Variants in GRIN2D observed in about 807,000 individuals in gnomAD.
GRIN2D encodes the protein glutamate receptor ionotropic, NMDA 2D.
A neutral mutation model predicts 103.2 loss-of-function variants in GRIN2D; 37 were observed. The ratio of observed to expected loss-of-function variants is 0.36; its 90% CI spans 0.28 to 0.47. The LOEUF (loss-of-function observed/expected upper bound fraction) is 0.47, where lower values mean the gene tolerates loss of function less well. Ranked by LOEUF, GRIN2D falls within the 20% of genes least tolerant of loss-of-function variation. The pLI is 1.00. For missense variants in GRIN2D, 1,557 were observed against 1,910.6 expected, an observed-to-expected ratio of 0.81 and a Z score of 3.45; for synonymous variants, 845 against 885.6, an observed-to-expected ratio of 0.95 and a Z score of 0.81.
Position 48,442,909 on chromosome 19 carries a change from C to T in GRIN2D, c.2983C>T (p.Pro995Ser). ...RGAAGRPLSPPAAQPPQKPPP... is the reference protein window; with the variant it reads ...RGAAGRPLSPSAAQPPQKPPP... ...CGCAGCCGGGCGCCCGCTGTCCCCG[C>T]CGGCCGCTCAGCCCCCGCAGAAGCC... The change falls in exon 14 of 14, where the codon CCG (proline) becomes TCG (serine). Residue 995 changes from proline to serine, a missense_variant. Pro to Ser is a moderately conservative substitution (Grantham distance 74). Around this residue, in one of 7 missense-constraint regions of GRIN2D, gnomAD observed 632 missense variants for 572.8 expected, o/e 1.10. Transcript: ENST00000263269. The surrounding 1 kb of genome is among the most constrained non-coding windows in gnomAD (Gnocchi z 7.2). 9.0e-7 allele frequency: 1 copy of T among 1,107,160 alleles called. No homozygotes were observed. The highest frequency in any genetic ancestry group is 3.4e-5 in the South Asian group (1 of 29,682). The allele number at this position is 1,107,160 out of a possible 1,614,324, so 68.6% of individuals were successfully genotyped here.
chr19:48,399,210 C>T lies in GRIN2D; in HGVS notation c.465+353C>T, dbSNP rs549107132. On this transcript the variant is annotated intron_variant, in intron 3 of 13. Transcript: ENST00000263269. ...GGGGCTGGGAACGAAAAGGGACTAGCCCCAAATGGCAAAATCTGAGGGAGG... is the reference window on the plus strand; with the variant it reads ...GGGGCTGGGAACGAAAAGGGACTAGTCCCAAATGGCAAAATCTGAGGGAGG... 2.0e-5 allele frequency among the ~76,000 whole-genome samples: 3 copies of T among 152,230 alleles called. No individual in the cohort carries two copies. The East Asian group carries it at 5.8e-4, about 29-fold the overall frequency.
intron 3 of GRIN2D, 40 bp downstream of exon 3, chr19:48,398,897 GGGGACAGCCGCTGAGGGGCGGGACT>G: frequency 7.7e-7 from 1 of 1,301,346 alleles, no homozygotes; most frequent in Non-Finnish European, 9.8e-7. Context: ...CAGGAGGGGC[GGGGACAGCCGCTGAGGGGCGGGACT>G]GGGACAGCCA....
chr19:48,444,259 C>T lies in GRIN2D; in HGVS notation c.*322C>T, dbSNP rs1050344652. The T allele has an allele frequency of 4.2e-6, 1 of 240,060 alleles. No homozygotes were observed. Among genetic ancestry groups the T allele is most frequent in the Non-Finnish European group, 8.0e-6 (1 of 124,364 alleles). The allele number at this position is 240,060 out of a possible 1,614,324, so 14.9% of individuals were successfully genotyped here. A position where few individuals can be genotyped will look rare whatever the true frequency, so the allele number is the denominator to read the frequency against. On this transcript the variant is annotated 3_prime_UTR_variant, in exon 14 of 14. Transcript: ENST00000263269. This position sits in a 1 kb window ranked among gnomAD's most constrained non-coding sequence, Gnocchi z 5.5. ...GGTTCACGCCACTCCCGCGTCCCAC[C>T]TCCACGCCCGGGGCCGTGGCCCCCA...
chr19:48,412,456 AG>A (rs1970880132), intron 4 of GRIN2D, among the ~76,000 whole-genome samples: 1 of 151,006 alleles, frequency 6.6e-6, no homozygotes, highest in Non-Finnish European at 1.5e-5. Context: ...AAAGAAAGAA[AG>A]AAAGAAAGAA....
chr19:48,401,445 C>A (rs968010170), intron 3 of GRIN2D, among the ~76,000 whole-genome samples: 1 of 152,184 alleles, frequency 6.6e-6, no homozygotes, highest in African/African-American at 2.4e-5. Context: ...GAGGCGGTGA[C>A]ACCTGAGCTG....
At chr19:48,425,022 TTC>T (rs111577135) in intron 11 of GRIN2D, among the ~76,000 whole-genome samples, 9,091 of 147,682 alleles carry the variant, frequency 0.062, 622 homozygotes, top group African/African-American at 0.17. Context: ...AGATTCTCTC[TTC>T]TCTCTCTCTC....
chr19:48,444,916 T>C lies in GRIN2D; in HGVS notation c.*979T>C, dbSNP rs1971364556. 1 of 152,244 alleles carries C rather than the reference T, an allele frequency of 6.6e-6. No individual in the cohort carries two copies. The highest frequency in any genetic ancestry group is 6.5e-5 in the Admixed American group (1 of 15,282). 9.4% of individuals were successfully genotyped at this position (152,244 alleles called of 1,614,324 possible). ...ATTGCAGTGTTTGGAATAAACCATGTTTTTATGCCTCCTCAGTCCAAGCCT... is the reference window on the plus strand; with the variant it reads ...ATTGCAGTGTTTGGAATAAACCATGCTTTTATGCCTCCTCAGTCCAAGCCT... On this transcript the variant is annotated 3_prime_UTR_variant, in exon 14 of 14. Transcript: ENST00000263269. This position sits in a 1 kb window ranked among gnomAD's most constrained non-coding sequence, Gnocchi z 5.5.
intron 11 of GRIN2D, among the ~76,000 whole-genome samples, chr19:48,430,821 CTTTTTTTTTT>C (rs557084994): frequency 7.8e-6 from 1 of 128,916 alleles, no homozygotes; most frequent in African/African-American, 3.1e-5. Context: ...TTTCTTTTTT[CTTTTTTTTTT>C]TTTTTTGAGA....
In GRIN2D at chr19:48,443,265, G is replaced by A; in HGVS notation, c.3339G>A (p.Ser1113=). The A allele has an allele frequency of 6.6e-7, 1 of 1,521,036 alleles. No individual in the cohort carries two copies. The highest frequency in any genetic ancestry group is 8.8e-7 in the Non-Finnish European group (1 of 1,142,394). The allele number at this position is 1,521,036 out of a possible 1,614,324, so 94.2% of individuals were successfully genotyped here. A position where few individuals can be genotyped will look rare whatever the true frequency, so the allele number is the denominator to read the frequency against. Residue 1113 remains serine, a synonymous_variant, in exon 14 of 14, where the codon TCG becomes TCA. Transcript: ENST00000263269. This position sits in a 1 kb window ranked among gnomAD's most constrained non-coding sequence, Gnocchi z 8.9. The part of the protein sequence containing the change: ...CPYLDLEPSP[S]DSEDSESLGG... ...ACCTCGATCTCGAGCCGTCGCCGTC[G>A]GACTCGGAGGACTCGGAGAGCCTGG...
Position 48,416,129 on chromosome 19 carries a change from G to T in GRIN2D, c.1709G>T (p.Gly570Val). 1 of 1,613,916 alleles carries T rather than the reference G, an allele frequency of 6.2e-7. No individual in the cohort carries two copies. Among genetic ancestry groups the T allele is most frequent in the Non-Finnish European group, 8.5e-7 (1 of 1,179,990 alleles). Residue 570 changes from glycine to valine, a missense_variant, in exon 8 of 14, where the codon GGC (glycine) becomes GTC (valine). Physicochemically the swap from Gly to Val is moderately radical, Grantham distance 109 (BLOSUM62 -3). Around this residue, in one of 7 missense-constraint regions of GRIN2D, gnomAD observed 197 missense variants for 334.1 expected, o/e 0.59. Coordinates refer to ENST00000263269, the MANE Select transcript of GRIN2D (RefSeq NM_000836.4). ...AGCGTCATGGTGGCGCGCAGCAATGGCACGGTGTCCCCCTCGGCCTTCCTC... is the reference window on the plus strand; with the variant it reads ...AGCGTCATGGTGGCGCGCAGCAATGTCACGGTGTCCCCCTCGGCCTTCCTC... ...GISVMVARSN[G>V]TVSPSAFLEP...
chr19:48,434,701 T>C (rs1971207766), intron 11 of GRIN2D, among the ~76,000 whole-genome samples: 1 of 152,052 alleles, frequency 6.6e-6, no homozygotes, highest in South Asian at 2.1e-4. Flanking sequence ...CCCAAAGCGA[T>C]GGGATGACAA....
chr19:48,441,814 G>A lies in GRIN2D; in HGVS notation c.2298G>A (p.Met766Ile), dbSNP rs771947551. Residue 766 changes from methionine (M) to isoleucine (I), a missense_variant, in exon 12 of 14, where the codon ATG (methionine) becomes ATA (isoleucine). By Grantham distance (10) the Met-to-Ile change is conservative. This residue lies in a region of GRIN2D where 138 missense variants were observed against 270.2 expected (regional missense o/e 0.51). Transcript: ENST00000263269. ...ACGATGCTGCAGTGCTCAATTACATGGCCCGCAAGGACGAGGGCTGCAAGC... is the reference window on the plus strand; with the variant it reads ...ACGATGCTGCAGTGCTCAATTACATAGCCCGCAAGGACGAGGGCTGCAAGC... ...FIYDAAVLNY[M>I]ARKDEGCKLV... is the part of the protein sequence containing the mutation. 1 of 1,613,998 alleles carries A rather than the reference G, an allele frequency of 6.2e-7. No homozygotes were observed. Among genetic ancestry groups the A allele is most frequent in the Non-Finnish European group, 8.5e-7 (1 of 1,180,014 alleles).
Position 48,404,999 on chromosome 19 carries a change from G to T in GRIN2D, c.731G>T (p.Arg244Leu). The T allele has an allele frequency of 1.2e-6, 2 of 1,612,250 alleles. No homozygotes were observed. Among genetic ancestry groups the T allele is most frequent in the East Asian group, 4.5e-5 (2 of 44,878 alleles). Residue 244 changes from arginine to leucine, a missense_variant, in exon 4 of 14, where the codon CGC (arginine) becomes CTC (leucine). Around this residue, in one of 7 missense-constraint regions of GRIN2D, gnomAD observed 490 missense variants for 601.1 expected, o/e 0.82. Transcript: ENST00000263269. Reference protein sequence around the residue: ...AQLRSVSAQIRLLFCAREEAE... With the variant: ...AQLRSVSAQILLLFCAREEAE... ...CTCCGCAGTGTCAGCGCGCAGATCC[G>T]CCTGCTCTTCTGCGCCCGAGAGGAG... is the stretch of plus-strand genomic sequence containing the variant.
At position 48,442,052 on chromosome 19, in the gene GRIN2D, C is replaced by G; in HGVS notation, c.2440+96C>G. The G allele has an allele frequency of 6.6e-7, 1 of 1,508,118 alleles. No individual in the cohort carries two copies. Among genetic ancestry groups the G allele is most frequent in the Non-Finnish European group, 9.1e-7 (1 of 1,100,438 alleles). 93.4% of individuals were successfully genotyped at this position (1,508,118 alleles called of 1,614,324 possible). On this transcript the variant is annotated intron_variant, in intron 12 of 13. Transcript: ENST00000263269. The surrounding 1 kb of genome is among the most constrained non-coding windows in gnomAD (Gnocchi z 7.2). The stretch of plus-strand genomic sequence containing the variant: ...GGGACAAAGACCCGGACACCAGGGT[C>G]TGAGGGAGGAAGGGGCTAAGGGCCT...
intron 11 of GRIN2D, among the ~76,000 whole-genome samples, chr19:48,430,098 G>T (rs1425678896): frequency 6.6e-6 from 1 of 152,188 alleles, no homozygotes; most frequent in Non-Finnish European, 1.5e-5. Flanking sequence ...GACTCTGACA[G>T]ATGAATATTC....
intron 11 of GRIN2D, 110 bp downstream of exon 11, chr19:48,422,055 G>A (rs1200985416): frequency 9.1e-7 from 1 of 1,103,580 alleles, no homozygotes; most frequent in East Asian, 2.6e-5. Context: ...GGTCAGCCCT[G>A]GGTGGGTCAG....
intron 11 of GRIN2D, among the ~76,000 whole-genome samples, chr19:48,438,816 T>C (rs1437898217): frequency 6.6e-6 from 1 of 151,952 alleles, no homozygotes; most frequent in African/African-American, 2.4e-5. Context: ...GGTATCCCTC[T>C]GTCACCCAGG....
In GRIN2D at chr19:48,404,944, G is replaced by A; in HGVS notation, c.676G>A (p.Gly226Arg). The change falls in exon 4 of 14, where the codon GGG becomes AGG. Residue 226 changes from glycine (G) to arginine (R), a missense_variant. Physicochemically the swap from Gly to Arg is moderately radical, Grantham distance 125. Around this residue, in one of 7 missense-constraint regions of GRIN2D, gnomAD observed 490 missense variants for 601.1 expected, o/e 0.82. Transcript: ENST00000263269. ...EHRGALTLDP[G>R]AGEAVLSAQL... is the part of the protein sequence containing the mutation. ...CCGCGGAGCGCTGACGCTGGACCCT[G>A]GGGCGGGCGAGGCCGTGCTCAGTGC... 1.2e-6 allele frequency: 2 copies of A among 1,612,960 alleles called. No homozygotes were observed. Among genetic ancestry groups the A allele is most frequent in the Non-Finnish European group, 1.7e-6 (2 of 1,179,698 alleles).
chr19:48,426,226 T>TTC (rs1165179199), intron 11 of GRIN2D, among the ~76,000 whole-genome samples: 11 of 142,174 alleles, frequency 7.7e-5, no homozygotes, highest in Admixed American at 5.6e-4. Context: ...CTTTCTTTCT[T>TTC]TTTTTTTTTT....
Sources: allele counts gnomAD v4.1 joint callset (sites outside exome capture counted in the v4.1 genomes callset), GRCh38; gene constraint gnomAD v4.1.1; regional missense constraint gnomAD v4.1.1; non-coding constraint Gnocchi (gnomAD v3.1); transcripts MANE v1.5; gene names NCBI Gene and HGNC (gene_info 2026-07-23, HGNC 2026-07-21).